Variants in OXR1 observed in about 807,000 individuals in gnomAD.
OXR1 encodes oxidation resistance 1.
Under a neutral mutation model 104.6 loss-of-function variants are expected in OXR1, and 41 were observed. That is an observed-to-expected ratio of 0.39 (90% CI 0.31 to 0.51). The LOEUF is 0.51. OXR1 is among the 20% of genes least tolerant of loss of function. OXR1 has a pLI of 0.77. For synonymous variants in OXR1, 348 were observed against 348.4 expected (o/e 1.00, Z 0.01); for missense variants, 955 against 1,031.9 (o/e 0.93, Z 1.02).
chr8:106,684,433 CA>C (rs1216742888), intron 6 of OXR1, 74 bp downstream of exon 6: 3 of 756,774 alleles, frequency 4.0e-6, no homozygotes, highest in Non-Finnish European at 7.0e-6. Context: ...TTGTTTTTTA[CA>C]TTCCATTTTG....
At chr8:106,588,052 C>T (rs1020920345) in intron 3 of OXR1, among the ~76,000 whole-genome samples, 3 of 151,546 alleles carry the variant, frequency 2.0e-5, no homozygotes, top group African/African-American at 4.9e-5. Context: ...GTGGGGTTCA[C>T]GCCATTCTCC....
At chr8:106,688,926 A>T (rs1056909950) in intron 6 of OXR1, among the ~76,000 whole-genome samples, 6 of 152,148 alleles carry the variant, frequency 3.9e-5, no homozygotes, top group Non-Finnish European at 1.5e-5. Flanking sequence ...TATATGTGTC[A>T]CAATTTATAG....
intron 12 of OXR1, among the ~76,000 whole-genome samples, chr8:106,738,709 G>C (rs1374043264): frequency 1.3e-5 from 2 of 151,308 alleles, no homozygotes; most frequent in African/African-American, 4.8e-5. Flanking sequence ...TTTTTACTTA[G>C]TTAACATTCT....
At chr8:106,346,315 C>T (rs550440609) in intron 1 of OXR1, among the ~76,000 whole-genome samples, 1 of 152,252 alleles carries the variant, frequency 6.6e-6, no homozygotes, top group African/African-American at 2.4e-5. Flanking sequence ...AACCTCTCTA[C>T]TTGTGTAAAT....
intron 2 of OXR1, among the ~76,000 whole-genome samples, chr8:106,376,153 T>C (rs1243697674): frequency 6.6e-6 from 1 of 152,224 alleles, no homozygotes. Flanking sequence ...TTTGAGGATA[T>C]ATTTCCAGCT....
At chr8:106,337,054 C>T (rs182180476) in intron 1 of OXR1, among the ~76,000 whole-genome samples, 78 of 152,040 alleles carry the variant, frequency 5.1e-4, no homozygotes, top group Non-Finnish European at 7.4e-4. Flanking sequence ...GGGAAATATC[C>T]GTGAATTATA....
At chr8:106,629,994 C>A (rs1361875351) in intron 3 of OXR1, among the ~76,000 whole-genome samples, 4 of 152,162 alleles carry the variant, frequency 2.6e-5, no homozygotes, top group African/African-American at 7.2e-5. Context: ...GAAACTCCTG[C>A]CTCTGCCTTT....
chr8:106,361,763 C>CT (rs562095974), intron 2 of OXR1, among the ~76,000 whole-genome samples: 220 of 152,222 alleles, frequency 1.4e-3, no homozygotes, highest in Non-Finnish European at 2.4e-3. Context: ...ATCGGGCTCT[C>CT]TGTTTTGAAA....
At chr8:106,538,527 G>T (rs1175458977) in intron 3 of OXR1, among the ~76,000 whole-genome samples, 1 of 151,930 alleles carries the variant, frequency 6.6e-6, no homozygotes, top group Non-Finnish European at 1.5e-5. Flanking sequence ...CCAATTTAAG[G>T]TTGGACTTGT....
At chr8:106,390,628 A>G (rs1323717832) in intron 2 of OXR1, among the ~76,000 whole-genome samples, 4 of 152,240 alleles carry the variant, frequency 2.6e-5, no homozygotes, top group Non-Finnish European at 5.9e-5. Flanking sequence ...CACATACAGT[A>G]TCATTACGTT....
intron 5 of OXR1, 23 bp downstream of exon 5, chr8:106,683,329 C>A: frequency 9.1e-7 from 1 of 1,102,250 alleles, no homozygotes; most frequent in Non-Finnish European, 1.4e-6. Flanking sequence ...TTTTAATGTG[C>A]TGATGTTTAG....
chr8:106,742,556 G>A, intron 15 of OXR1: 1 of 333,258 alleles, frequency 3.0e-6, no homozygotes, highest in Non-Finnish European at 5.4e-6. Flanking sequence ...TATACTACAA[G>A]GCTACAGTAA....
chr8:106,374,448 G>A (rs186966918), intron 2 of OXR1, among the ~76,000 whole-genome samples: 1 of 152,212 alleles, frequency 6.6e-6, no homozygotes, highest in Admixed American at 6.5e-5. Context: ...ACTTGCTAAT[G>A]CTATTTCCAA....
intron 7 of OXR1, among the ~76,000 whole-genome samples, chr8:106,696,796 T>C (rs1830079912): frequency 6.6e-6 from 1 of 152,092 alleles, no homozygotes; most frequent in South Asian, 2.1e-4. Context: ...CCCCAGACCA[T>C]GGTAGGCAGC....
intron 3 of OXR1, among the ~76,000 whole-genome samples, chr8:106,543,624 A>G (rs1200728628): frequency 1.3e-5 from 2 of 152,198 alleles, no homozygotes; most frequent in East Asian, 3.9e-4. Flanking sequence ...TGACCAAGAA[A>G]TAACTTCTTA....
intron 3 of OXR1, among the ~76,000 whole-genome samples, chr8:106,549,244 A>C (rs921627): frequency 6.9e-6 from 1 of 144,088 alleles, no homozygotes; most frequent in African/African-American, 2.6e-5. Flanking sequence ...CATATCAAAC[A>C]TTTTTTTTTT....
chr8:106,370,255 T>C (rs1816648457), intron 2 of OXR1, among the ~76,000 whole-genome samples: 1 of 152,226 alleles, frequency 6.6e-6, no homozygotes. Context: ...TTTTGTATCC[T>C]GAGACTGCGC....
intron 3 of OXR1, among the ~76,000 whole-genome samples, chr8:106,659,997 A>C (rs920317027): frequency 6.6e-6 from 1 of 152,242 alleles, no homozygotes; most frequent in African/African-American, 2.4e-5. Flanking sequence ...TGTGAGGTCA[A>C]AGTATGACCA....
intron 2 of OXR1, among the ~76,000 whole-genome samples, chr8:106,459,622 A>G (rs140735205): frequency 0.019 from 2,893 of 152,246 alleles, 77 homozygotes; most frequent in South Asian, 0.083. Context: ...GTCCCCATCT[A>G]CAATAAGCTA....
Sources: allele counts gnomAD v4.1 joint callset (sites outside exome capture counted in the v4.1 genomes callset), GRCh38; gene constraint gnomAD v4.1.1; transcripts MANE v1.5; gene names NCBI Gene and HGNC (gene_info 2026-07-23, HGNC 2026-07-21).